The following PPP4R3B variants were observed in gnomAD, a reference collection of about 807,000 sequenced individuals.
PPP4R3B encodes protein phosphatase 4 regulatory subunit 3B.
PPP4R3B carries 52 observed loss-of-function variants against 95.4 expected under a neutral mutation model. The observed-to-expected ratio is 0.54, with a 90% CI of 0.44 to 0.69. PPP4R3B has a LOEUF of 0.69. Ranked by LOEUF, PPP4R3B falls within the 30% of genes least tolerant of loss-of-function variation. PPP4R3B has a pLI of 0.00. For synonymous variants in PPP4R3B, 407 were observed against 343.9 expected (o/e 1.18, Z -2.03); for missense variants, 1,003 against 1,005.9 (o/e 1.00, Z 0.04).
intron 2 of PPP4R3B, among the ~76,000 whole-genome samples, chr2:55,611,694 TAAA>T (rs1460395113): frequency 6.6e-6 from 1 of 152,188 alleles, no homozygotes. Context: ...ACTATAATGT[TAAA>T]AGAAGAATGT....
At chr2:55,611,983 T>C (rs998290831) in intron 2 of PPP4R3B, among the ~76,000 whole-genome samples, 1 of 152,196 alleles carries the variant, frequency 6.6e-6, no homozygotes, top group African/African-American at 2.4e-5. Context: ...TCCTCCTGCC[T>C]TGGCCTTCCA....
intron 1 of PPP4R3B, 76 bp downstream of exon 1, chr2:55,617,068 G>C (rs1378715649): frequency 3.1e-5 from 46 of 1,481,610 alleles, no homozygotes; most frequent in Non-Finnish European, 3.8e-5. Flanking sequence ...CAACGGTAAC[G>C]GGCCCAGGGC....
intron 4 of PPP4R3B, among the ~76,000 whole-genome samples, chr2:55,591,214 G>A (rs1184852508): frequency 6.7e-6 from 1 of 150,354 alleles, no homozygotes; most frequent in Non-Finnish European, 1.5e-5. Flanking sequence ...GTGGCTCAGT[G>A]TAGCCTCGAC....
intron 9 of PPP4R3B, 132 bp downstream of exon 9, chr2:55,579,547 T>C (rs1198508905): frequency 6.4e-6 from 3 of 472,386 alleles, no homozygotes; most frequent in Non-Finnish European, 1.1e-5. Context: ...CATAATTTTA[T>C]ATTGCAGTTT....
At chr2:55,607,815 G>A (rs1693628434) in intron 2 of PPP4R3B, among the ~76,000 whole-genome samples, 1 of 152,158 alleles carries the variant, frequency 6.6e-6, no homozygotes, top group Non-Finnish European at 1.5e-5. Flanking sequence ...TCTATAGATA[G>A]TACTATCTAC....
At chr2:55,593,864 A>G (rs913953435) in intron 4 of PPP4R3B, among the ~76,000 whole-genome samples, 2 of 152,232 alleles carry the variant, frequency 1.3e-5, no homozygotes, top group African/African-American at 4.8e-5. Context: ...CTGCACTTGT[A>G]TATTGATCGC....
At chr2:55,563,796 T>C (rs1686934799) in intron 15 of PPP4R3B, among the ~76,000 whole-genome samples, 1 of 152,196 alleles carries the variant, frequency 6.6e-6, no homozygotes. Flanking sequence ...ACTAGCAAGA[T>C]CTTCATTTTA....
In PPP4R3B at chr2:55,613,809, TAAA is replaced by T. The variant is rs200188103; in HGVS notation, c.198+1639_198+1641del. 8.0e-3 allele frequency among the ~76,000 whole-genome samples: 1,139 copies of T among 141,868 alleles called. 25 individuals are homozygous for T. Among genetic ancestry groups the T allele is most frequent in the African/African-American group, 0.027 (1,076 of 40,078 alleles). 93.1% of individuals were successfully genotyped at this position (141,868 alleles called of 152,430 possible). Reference sequence around the variant, plus strand: ...ATTCATGCAGATAAGGGAAATATGGTAAAAAAAAAAAAAAAATTAGTATTTCTT... The same window carrying T: ...ATTCATGCAGATAAGGGAAATATGGTAAAAAAAAAAAAATTAGTATTTCTT... On this transcript the variant is annotated intron_variant, in intron 2 of 16. Coordinates refer to ENST00000616407, the MANE Select transcript of PPP4R3B (RefSeq NM_001122964.3).
chr2:55,605,257 T>C (rs1693223390), intron 2 of PPP4R3B, among the ~76,000 whole-genome samples: 2 of 152,302 alleles, frequency 1.3e-5, no homozygotes, highest in South Asian at 4.1e-4. Context: ...AAATACAAAC[T>C]AAGTTTATAC....
chr2:55,568,135 A>C, intron 13 of PPP4R3B, 59 bp downstream of exon 13: 1 of 1,168,610 alleles, frequency 8.6e-7, no homozygotes, highest in Admixed American at 3.8e-5. Flanking sequence ...TAATTCTTTT[A>C]CATAAAAAAT....
intron 4 of PPP4R3B, among the ~76,000 whole-genome samples, chr2:55,595,576 G>C (rs1398374458): frequency 1.3e-5 from 2 of 151,690 alleles, no homozygotes; most frequent in Non-Finnish European, 2.9e-5. Context: ...TTTTTTAAGA[G>C]AAACAGCTAT....
intron 4 of PPP4R3B, among the ~76,000 whole-genome samples, chr2:55,594,151 G>T (rs1406024941): frequency 6.6e-6 from 1 of 152,022 alleles, no homozygotes. Context: ...TCCAAAAAGG[G>T]GTAGGATGGG....
At chr2:55,559,045 AAAAACTTAT>A in intron 15 of PPP4R3B, 77 bp from the exon 16 acceptor site, 1 of 1,182,646 alleles carries the variant, frequency 8.5e-7, no homozygotes, top group Admixed American at 2.4e-5. Context: ...GCAGTAATTA[AAAAACTTAT>A]AAAACATTGC....
At chr2:55,552,547 C>T (rs980994232) in intron 16 of PPP4R3B, among the ~76,000 whole-genome samples, 2 of 152,286 alleles carry the variant, frequency 1.3e-5, no homozygotes, top group South Asian at 2.1e-4. Context: ...GCATGCACCA[C>T]CATGCCTGGC....
intron 2 of PPP4R3B, among the ~76,000 whole-genome samples, chr2:55,608,330 T>C (rs1693699982): frequency 6.6e-6 from 1 of 152,164 alleles, no homozygotes; most frequent in Non-Finnish European, 1.5e-5. Context: ...TAAATTCTTT[T>C]CTCTGATCTT....
At chr2:55,599,700 T>C (rs1386001886) in intron 3 of PPP4R3B, among the ~76,000 whole-genome samples, 1 of 151,820 alleles carries the variant, frequency 6.6e-6, no homozygotes, top group Non-Finnish European at 1.5e-5. Context: ...ATCAATAGGG[T>C]TTTTCAATAA....
Position 55,564,404 on chromosome 2 carries a change from C to T in PPP4R3B, c.2169G>A (p.Glu723=), listed in dbSNP as rs1031041217. 2 of 1,613,714 alleles carry T rather than the reference C, an allele frequency of 1.2e-6. No homozygotes were observed. The highest frequency in any genetic ancestry group is 1.7e-6 in the Non-Finnish European group (2 of 1,179,886). Residue 723 remains glutamate (E), a synonymous_variant, in exon 15 of 17, where the codon GAG becomes GAA. Transcript: ENST00000616407. ...CTGGTGCCACAACTGCTTTTCCTTC[C>T]TCTTCTTCATCTTCATTAAACCACA... The part of the protein sequence containing the change: ...EEMWFNEDEE[E]EGKAVVAPVE...
At chr2:55,594,034 G>A (rs1197496232) in intron 4 of PPP4R3B, among the ~76,000 whole-genome samples, 2 of 152,090 alleles carry the variant, frequency 1.3e-5, no homozygotes, top group Admixed American at 6.5e-5. Flanking sequence ...TGGAGCTGGA[G>A]GCCATTATCC....
At chr2:55,573,261 A>C (rs1688237222) in intron 12 of PPP4R3B, among the ~76,000 whole-genome samples, 1 of 152,214 alleles carries the variant, frequency 6.6e-6, no homozygotes, top group Non-Finnish European at 1.5e-5. Context: ...TAGTCTGCTA[A>C]AAATCAACAT....
Sources: allele counts gnomAD v4.1 joint callset (sites outside exome capture counted in the v4.1 genomes callset), GRCh38; gene constraint gnomAD v4.1.1; transcripts MANE v1.5; gene names NCBI Gene and HGNC (gene_info 2026-07-23, HGNC 2026-07-21).